DCC: variants seen among roughly 807,000 people sequenced by gnomAD.
DCC encodes DCC netrin 1 receptor, also known as netrin receptor DCC.
DCC carries 58 observed loss-of-function variants against 172.5 expected under a neutral mutation model. The ratio of observed to expected loss-of-function variants is 0.34; its 90% CI spans 0.27 to 0.42. DCC has a LOEUF of 0.42. Ranked by LOEUF, DCC falls within the 10% of genes least tolerant of loss-of-function variation. The probability of loss-of-function intolerance (pLI) is 1.00; values close to 1 mark genes in which losing one functional copy is unlikely to be tolerated. For missense variants in DCC, 1,740 were observed against 1,791.0 expected (o/e 0.97, Z 0.51); for synonymous variants, 709 against 644.5 (o/e 1.10, Z -1.52).
chr18:53,217,284 CACACACACACACACACAT>C (rs1240348437), intron 12 of DCC, among the ~76,000 whole-genome samples: 2 of 119,154 alleles, frequency 1.7e-5, no homozygotes, highest in African/African-American at 9.3e-5. Flanking sequence ...CACACACACA[CACACACACACACACACAT>C]ATGTATATAC....
intron 16 of DCC, 61 bp from the exon 17 acceptor site, chr18:53,391,594 T>C: frequency 8.9e-7 from 1 of 1,120,046 alleles, no homozygotes; most frequent in South Asian, 1.2e-5. Flanking sequence ...GATATTTATT[T>C]TTTAACGCTT....
At chr18:53,272,559 C>T (rs1394453067) in intron 12 of DCC, among the ~76,000 whole-genome samples, 1 of 152,136 alleles carries the variant, frequency 6.6e-6, no homozygotes, top group Non-Finnish European at 1.5e-5. Flanking sequence ...CTACTTATGA[C>T]ACACTGGTTC....
rs118096434 is a variant in DCC, at chr18:52,713,777, A to G, written c.92-38277A>G. ...CATTATCATCAGAAGGGAAGTGTTA[A>G]GCCTATAATTACATGTGGCACTGTG... is the stretch of plus-strand genomic sequence containing the variant. On this transcript the variant is annotated intron_variant, in intron 1 of 28. Transcript: ENST00000442544. 1.8e-3 allele frequency among the ~76,000 whole-genome samples: 275 copies of G among 152,290 alleles called. 2 individuals are homozygous for G. Among genetic ancestry groups the G allele is most frequent in the Admixed American group, 9.5e-3 (146 of 15,296 alleles).
At chr18:52,620,823 G>T (rs73955752) in intron 1 of DCC, among the ~76,000 whole-genome samples, 1 of 152,260 alleles carries the variant, frequency 6.6e-6, no homozygotes, top group Admixed American at 6.5e-5. Flanking sequence ...AAGGAGCTAC[G>T]TGAGAAACAT....
intron 5 of DCC, among the ~76,000 whole-genome samples, chr18:53,057,256 A>G (rs955373412): frequency 6.6e-6 from 1 of 151,992 alleles, no homozygotes; most frequent in African/African-American, 2.4e-5. Context: ...TCAAATGGGT[A>G]GTCATGGCAT....
chr18:53,505,666 T>C (rs1177072289), intron 27 of DCC, among the ~76,000 whole-genome samples: 1 of 152,182 alleles, frequency 6.6e-6, no homozygotes, highest in Non-Finnish European at 1.5e-5. Context: ...CAGATAATCG[T>C]AAGAGAAAGT....
At chr18:53,263,076 A>G (rs2056625063) in intron 12 of DCC, among the ~76,000 whole-genome samples, 1 of 152,222 alleles carries the variant, frequency 6.6e-6, no homozygotes, top group African/African-American at 2.4e-5. Flanking sequence ...AGCAACATGA[A>G]CATATGTAAA....
At chr18:53,076,331 A>G (rs950653152) in intron 7 of DCC, among the ~76,000 whole-genome samples, 21 of 152,034 alleles carry the variant, frequency 1.4e-4, no homozygotes, top group African/African-American at 5.1e-4. Flanking sequence ...ACCTACTTTA[A>G]TCTCTTGTGT....
At chr18:53,129,385 C>T (rs1429674945) in intron 7 of DCC, among the ~76,000 whole-genome samples, 1 of 151,998 alleles carries the variant, frequency 6.6e-6, no homozygotes, top group African/African-American at 2.4e-5. Context: ...TGAATTTTGA[C>T]AATTTTATAT....
At chr18:53,036,216 A>T (rs1459373604) in intron 5 of DCC, among the ~76,000 whole-genome samples, 1 of 152,050 alleles carries the variant, frequency 6.6e-6, no homozygotes, top group African/African-American at 2.4e-5. Flanking sequence ...GTAGATTAGG[A>T]TGTGTACCTA....
intron 2 of DCC, among the ~76,000 whole-genome samples, chr18:52,793,254 G>T (rs538877086): frequency 6.6e-6 from 1 of 152,222 alleles, no homozygotes; most frequent in South Asian, 2.1e-4. Context: ...TTGTACAAGT[G>T]GCTGACAAAG....
At chr18:52,883,350 A>ATGTGTGTG (rs1172759213) in intron 2 of DCC, among the ~76,000 whole-genome samples, 249 of 34,126 alleles carry the variant, frequency 7.3e-3, no homozygotes, top group Middle Eastern at 0.02. Context: ...TTATTTATTT[A>ATGTGTGTG]TGTGTGTGTG....
At chr18:52,946,468 A>AG (rs1555685644) in intron 5 of DCC, among the ~76,000 whole-genome samples, 4 of 150,502 alleles carry the variant, frequency 2.7e-5, no homozygotes, top group Non-Finnish European at 5.9e-5. Flanking sequence ...TTAAAATGAC[A>AG]TTTTTTTTTT....
intron 7 of DCC, among the ~76,000 whole-genome samples, chr18:53,102,655 T>C (rs2043190202): frequency 6.6e-6 from 1 of 152,096 alleles, no homozygotes; most frequent in Non-Finnish European, 1.5e-5. Flanking sequence ...TTTTCCTGGT[T>C]TGTTCAATGC....
chr18:52,981,508 T>C (rs1271967362), intron 5 of DCC, among the ~76,000 whole-genome samples: 1 of 152,146 alleles, frequency 6.6e-6, no homozygotes. Context: ...CCTGTTTTCT[T>C]TTCCATTCTG....
chr18:53,059,701 CT>C (rs1338839134), intron 5 of DCC, among the ~76,000 whole-genome samples: 1 of 151,966 alleles, frequency 6.6e-6, no homozygotes, highest in Non-Finnish European at 1.5e-5. Context: ...CATTAATTGA[CT>C]TTTTTATGAC....
chr18:53,140,342 G>T (rs544423003), intron 7 of DCC, among the ~76,000 whole-genome samples: 1 of 152,282 alleles, frequency 6.6e-6, no homozygotes, highest in African/African-American at 2.4e-5. Context: ...AGGTGAAAAT[G>T]AATTCTTTCG....
chr18:53,526,394 A>G (rs1364363841), intron 27 of DCC, among the ~76,000 whole-genome samples: 2 of 152,132 alleles, frequency 1.3e-5, no homozygotes, highest in African/African-American at 4.8e-5. Context: ...TTGCAATTAC[A>G]TATGGCTAGT....
intron 1 of DCC, among the ~76,000 whole-genome samples, chr18:52,393,897 T>C (rs1598780390): frequency 6.6e-6 from 1 of 152,098 alleles, no homozygotes; most frequent in East Asian, 1.9e-4. Flanking sequence ...CCTTTCAGAT[T>C]CAGGTTCCAT....
Sources: allele counts gnomAD v4.1 joint callset (sites outside exome capture counted in the v4.1 genomes callset), GRCh38; gene constraint gnomAD v4.1.1; transcripts MANE v1.5; gene names NCBI Gene and HGNC (gene_info 2026-07-23, HGNC 2026-07-21).